NR2C2: variants seen among roughly 807,000 people sequenced by gnomAD.
NR2C2 encodes nuclear receptor subfamily 2 group C member 2.
In NR2C2, 6 loss-of-function variants were observed where a neutral mutation model predicts 62.9. The observed-to-expected ratio is 0.10, with a 90% CI of 0.05 to 0.19. NR2C2 has a LOEUF of 0.19. Ranked by LOEUF, NR2C2 falls within the 10% of genes least tolerant of loss-of-function variation. The probability of loss-of-function intolerance (pLI) is 1.00; values close to 1 mark genes in which losing one functional copy is unlikely to be tolerated. For missense variants in NR2C2, 479 were observed against 762.7 expected, an observed-to-expected ratio of 0.63 and a Z score of 4.38; for synonymous variants, 272 against 273.8, an observed-to-expected ratio of 0.99 and a Z score of 0.07.
At chr3:14,951,540 T>G (rs936644659) in intron 1 of NR2C2, among the ~76,000 whole-genome samples, 1 of 152,214 alleles carries the variant, frequency 6.6e-6, no homozygotes, top group Non-Finnish European at 1.5e-5. Context: ...TATCACTTGT[T>G]CAATTCCTTA....
At position 15,046,965 on chromosome 3, in the gene NR2C2, T is replaced by C. The variant is rs1201666546; in HGVS notation, c.*3957T>C. ...GGTCTGGACCTTCTCATTGTGTGCC[T>C]CCCACCAGCGTGCACTTCGTATGTC... is the stretch of plus-strand genomic sequence containing the variant. On this transcript the variant is annotated 3_prime_UTR_variant, in exon 14 of 14. Coordinates refer to ENST00000425241, the MANE Select transcript of NR2C2 (RefSeq NM_001291694.2). 2 of 152,644 alleles carry C rather than the reference T, an allele frequency of 1.3e-5. No individual in the cohort carries two copies. The highest frequency in any genetic ancestry group is 2.4e-5 in the African/African-American group (1 of 41,456). The allele number at this position is 152,644 out of a possible 1,614,324, so 9.5% of individuals were successfully genotyped here.
chr3:14,981,425 A>G (rs558764593), intron 1 of NR2C2, among the ~76,000 whole-genome samples: 1 of 152,130 alleles, frequency 6.6e-6, no homozygotes, highest in East Asian at 1.9e-4. Context: ...AACACGGTGA[A>G]ATCCCATCTC....
intron 1 of NR2C2, among the ~76,000 whole-genome samples, chr3:14,995,145 C>T (rs2040794540): frequency 6.6e-6 from 1 of 151,122 alleles, no homozygotes; most frequent in Non-Finnish European, 1.5e-5. Flanking sequence ...ACCACAGACA[C>T]ACGCCATCAC....
intron 1 of NR2C2, among the ~76,000 whole-genome samples, chr3:14,997,718 T>C (rs563064011): frequency 6.6e-6 from 1 of 152,270 alleles, no homozygotes; most frequent in East Asian, 1.9e-4. Context: ...GTTGTTAAAA[T>C]GTATGCTTAT....
intron 1 of NR2C2, among the ~76,000 whole-genome samples, chr3:15,000,242 C>A (rs751395932): frequency 3.9e-5 from 6 of 152,102 alleles, no homozygotes; most frequent in Non-Finnish European, 5.9e-5. Flanking sequence ...CTTTTAGATT[C>A]CACATTTAAG....
intron 1 of NR2C2, among the ~76,000 whole-genome samples, chr3:14,965,969 C>T (rs920353410): frequency 3.3e-5 from 5 of 152,030 alleles, no homozygotes; most frequent in African/African-American, 1.2e-4. Context: ...ATGCCTGGCC[C>T]CTTAGTGTTA....
chr3:14,980,079 A>T (rs1016089733), intron 1 of NR2C2, among the ~76,000 whole-genome samples: 5 of 152,022 alleles, frequency 3.3e-5, no homozygotes, highest in African/African-American at 1.2e-4. Flanking sequence ...ATTATATACT[A>T]CGTGAACTCT....
chr3:15,000,616 C>T (rs772386409), intron 1 of NR2C2, among the ~76,000 whole-genome samples: 54 of 152,256 alleles, frequency 3.5e-4, no homozygotes, highest in Middle Eastern at 6.8e-3. Context: ...TGTGAGACCT[C>T]CAACTTTGTT....
In NR2C2 at chr3:14,978,749, G is replaced by T. The variant is rs183610451; in HGVS notation, c.-39-25127G>T. ...CACTTGGTTTACTTCTGTGAAAACC[G>T]AAGAACAGGGCCGCCCTCCTTCATA... On this transcript the variant is annotated intron_variant, in intron 1 of 13. Transcript: ENST00000425241. 4.2e-3 allele frequency among the ~76,000 whole-genome samples: 633 copies of T among 152,262 alleles called. 5 individuals are homozygous for T. Among genetic ancestry groups the T allele is most frequent in the Non-Finnish European group, 4.1e-3 (281 of 68,004 alleles).
intron 1 of NR2C2, among the ~76,000 whole-genome samples, chr3:14,951,928 A>G (rs1379549795): frequency 1.3e-5 from 2 of 152,070 alleles, no homozygotes; most frequent in African/African-American, 4.8e-5. Context: ...TTGGATTTTT[A>G]GTAGAGACGG....
At chr3:15,009,104 C>T (rs2041276432) in intron 2 of NR2C2, among the ~76,000 whole-genome samples, 1 of 152,144 alleles carries the variant, frequency 6.6e-6, no homozygotes, top group South Asian at 2.1e-4. Flanking sequence ...TACCTGTAAT[C>T]CCAGCTACTC....
Position 14,947,868 on chromosome 3 carries a change from G to A in NR2C2, c.-78G>A, listed in dbSNP as rs1317936447. 6.7e-6 allele frequency: 1 copy of A among 149,604 alleles called. No homozygotes were observed. The highest frequency in any genetic ancestry group is 2.4e-5 in the African/African-American group (1 of 40,896). 9.3% of individuals were successfully genotyped at this position (149,604 alleles called of 1,614,324 possible). A position where few individuals can be genotyped will look rare whatever the true frequency, so the allele number is the denominator to read the frequency against. ...GCCGGGGGCCGCCCGCCGCAGACAC[G>A]GGACCCGCTTCGAGGCCGCTTTGGC... On this transcript the variant is annotated 5_prime_UTR_variant, in exon 1 of 14. Transcript: ENST00000425241.
chr3:15,022,077 G>A (rs2041684043), intron 5 of NR2C2, among the ~76,000 whole-genome samples: 1 of 152,224 alleles, frequency 6.6e-6, no homozygotes, highest in African/African-American at 2.4e-5. Flanking sequence ...GAACACAGCT[G>A]TAGCTGCAAA....
intron 1 of NR2C2, among the ~76,000 whole-genome samples, chr3:14,981,659 A>G (rs903376551): frequency 2.6e-5 from 4 of 151,096 alleles, no homozygotes; most frequent in African/African-American, 9.7e-5. Context: ...GTGAAGTCCC[A>G]CAGTAGGCCA....
chr3:14,992,295 CCT>C (rs2040694422), intron 1 of NR2C2, among the ~76,000 whole-genome samples: 3 of 151,946 alleles, frequency 2.0e-5, no homozygotes, highest in African/African-American at 7.3e-5. Context: ...CATAAACCCC[CCT>C]GTGTCGGTGG....
chr3:14,967,386 T>C (rs1177718460), intron 1 of NR2C2, among the ~76,000 whole-genome samples: 1 of 152,118 alleles, frequency 6.6e-6, no homozygotes, highest in Non-Finnish European at 1.5e-5. Context: ...TGAGATACTA[T>C]TTCACATCCA....
intron 6 of NR2C2, among the ~76,000 whole-genome samples, chr3:15,023,584 A>G (rs2041737379): frequency 6.6e-6 from 1 of 152,230 alleles, no homozygotes; most frequent in Non-Finnish European, 1.5e-5. Context: ...ATGTCCTGCA[A>G]TTTAGGCATC....
chr3:15,003,804 G>T (rs931588875), intron 1 of NR2C2, 72 bp from the exon 2 acceptor site: 8 of 907,194 alleles, frequency 8.8e-6, no homozygotes, highest in Non-Finnish European at 1.4e-5. Context: ...GAAAGCAAGA[G>T]GCGTGGTCTT....
At chr3:15,042,649 T>G in intron 13 of NR2C2, 185 bp from the exon 14 acceptor site, 1 of 568,932 alleles carries the variant, frequency 1.8e-6, no homozygotes. Context: ...TTTGTACTCA[T>G]TTGGTTTTTT....
Sources: allele counts gnomAD v4.1 joint callset (sites outside exome capture counted in the v4.1 genomes callset), GRCh38; gene constraint gnomAD v4.1.1; transcripts MANE v1.5; gene names NCBI Gene and HGNC (gene_info 2026-07-23, HGNC 2026-07-21).